The following FHIP2A variants were observed in gnomAD, a reference collection of about 807,000 sequenced individuals.
FHIP2A encodes the protein FHF complex subunit HOOK interacting protein 2A.
A neutral mutation model predicts 93.5 loss-of-function variants in FHIP2A; 46 were observed. That is an observed-to-expected ratio of 0.49 (90% CI 0.39 to 0.63). The LOEUF (loss-of-function observed/expected upper bound fraction) is 0.63, where lower values mean the gene tolerates loss of function less well. FHIP2A is among the 20% of genes least tolerant of loss of function. The probability of loss-of-function intolerance (pLI) is 0.00; values close to 1 mark genes in which losing one functional copy is unlikely to be tolerated. For missense variants in FHIP2A, 769 were observed against 909.7 expected (o/e 0.85, Z 1.99); for synonymous variants, 332 against 326.5 (o/e 1.02, Z -0.18).
At position 114,885,500 on chromosome 10, in the gene FHIP2A, C is replaced by G. The variant is rs891649886; in HGVS notation, c.2193-13990C>G. Among the ~76,000 whole-genome samples, 2 of 151,930 alleles carry G rather than the reference C, an allele frequency of 1.3e-5. 1 individual carries two copies. The highest frequency in any genetic ancestry group is 4.2e-4 in the South Asian group (2 of 4,810). On this transcript the variant is annotated intron_variant, in intron 16 of 16. Coordinates refer to the FHIP2A transcript ENST00000369250. ...TTTGCTCTGCAGTACCCAAGAGGCT[C>G]TGGACACTTAGTCAATATTAATTAA...
At chr10:114,822,632 C>T (rs2083540650) in intron 1 of FHIP2A, among the ~76,000 whole-genome samples, 1 of 152,250 alleles carries the variant, frequency 6.6e-6, no homozygotes, top group Non-Finnish European at 1.5e-5. Context: ...GGCATGGTCT[C>T]GCTGTGGGGC....
chr10:114,832,149 A>C (rs768495066), intron 2 of FHIP2A, among the ~76,000 whole-genome samples: 2 of 152,234 alleles, frequency 1.3e-5, no homozygotes, highest in Non-Finnish European at 2.9e-5. Flanking sequence ...AGAGTAATTT[A>C]ACCTTAGTAT....
chr10:114,825,841 AT>A lies in FHIP2A; in HGVS notation c.45+3720del, dbSNP rs1456459209. On this transcript the variant is annotated intron_variant, in intron 1 of 16. Transcript: ENST00000369248. ...TGTGCCAAGGGCATGTTCCTCTTAAATTCCAACCAGTTCCACCCTTGCGGGC... is the reference window on the plus strand; with the variant it reads ...TGTGCCAAGGGCATGTTCCTCTTAAATCCAACCAGTTCCACCCTTGCGGGC... 2.0e-5 allele frequency among the ~76,000 whole-genome samples: 3 copies of A among 152,382 alleles called. No individual in the cohort carries two copies. In the East Asian group the frequency reaches 5.8e-4, roughly 29 times the overall value.
At chr10:114,828,480 C>G (rs1022113862) in intron 1 of FHIP2A, among the ~76,000 whole-genome samples, 6 of 152,148 alleles carry the variant, frequency 3.9e-5, no homozygotes, top group African/African-American at 1.4e-4. Flanking sequence ...GGTACAGTTC[C>G]TGAAACAACA....
At chr10:114,896,424 A>C (rs971669912) in intron 16 of FHIP2A, among the ~76,000 whole-genome samples, 1 of 152,308 alleles carries the variant, frequency 6.6e-6, no homozygotes, top group East Asian at 1.9e-4. Flanking sequence ...GACTGTGGTC[A>C]TGTGAAAGGA....
chr10:114,847,055 A>T, intron 11 of FHIP2A, 35 bp from the exon 12 acceptor site: 1 of 1,535,728 alleles, frequency 6.5e-7, no homozygotes. Flanking sequence ...TCATAATAAA[A>T]TAGTGCTTTT....
At chr10:114,868,333 C>T (rs908759024), downstream of FHIP2A, among the ~76,000 whole-genome samples, 3 of 152,122 alleles carry the variant, frequency 2.0e-5, no homozygotes, top group African/African-American at 4.8e-5. Flanking sequence ...ACCAACCCTA[C>T]TGTGAACTTG....
downstream of FHIP2A, among the ~76,000 whole-genome samples, chr10:114,865,309 G>A (rs974740604): frequency 6.6e-6 from 1 of 152,080 alleles, no homozygotes; most frequent in Non-Finnish European, 1.5e-5. Flanking sequence ...TTTATTCTAA[G>A]CATTATTTCT....
intron 16 of FHIP2A, 40 bp downstream of exon 16, chr10:114,861,374 A>G: frequency 6.2e-7 from 1 of 1,613,822 alleles, no homozygotes; most frequent in Non-Finnish European, 8.5e-7. Flanking sequence ...CAAAAATTTC[A>G]GTGAACTTAA....
At chr10:114,871,569 T>G (rs746390030) in intron 16 of FHIP2A, among the ~76,000 whole-genome samples, 2 of 152,148 alleles carry the variant, frequency 1.3e-5, no homozygotes, top group Non-Finnish European at 2.9e-5. Flanking sequence ...CTTCCAACAT[T>G]GATGTAACCA....
chr10:114,865,084 T>C (rs2083822062), downstream of FHIP2A, among the ~76,000 whole-genome samples: 1 of 151,662 alleles, frequency 6.6e-6, no homozygotes, highest in African/African-American at 2.4e-5. Flanking sequence ...GCCCCCTGGG[T>C]TCAAGTGATT....
chr10:114,864,039 G>A lies in FHIP2A; in HGVS notation c.*2499G>A, dbSNP rs1273640434. On this transcript the variant is annotated 3_prime_UTR_variant, in exon 17 of 17. Transcript: ENST00000369248. ...TATGTAACTTTCTCGTAATGTATCT[G>A]TTTGTGCAATATGGAAGCTGTGAGT... is the stretch of plus-strand genomic sequence containing the variant. 1 of 993,900 alleles carries A rather than the reference G, an allele frequency of 1.0e-6. No homozygotes were observed. Among genetic ancestry groups the A allele is most frequent in the Non-Finnish European group, 1.2e-6 (1 of 835,446 alleles). The allele number at this position is 993,900 out of a possible 1,614,324, so 61.6% of individuals were successfully genotyped here.
chr10:114,847,255 G>GTTTTTGTTTTTGTTTATTAGTATTATT, intron 12 of FHIP2A, 22 bp downstream of exon 12: 1 of 1,586,660 alleles, frequency 6.3e-7, no homozygotes, highest in Admixed American at 1.9e-5. Flanking sequence ...TATAAAATTT[G>GTTTTTGTTTTTGTTTATTAGTATTATT]ACTTCCATCT....
chr10:114,857,991 C>G (rs2083777004), intron 14 of FHIP2A, among the ~76,000 whole-genome samples: 2 of 152,176 alleles, frequency 1.3e-5, no homozygotes. Context: ...AGTAACTTAG[C>G]TACTTGTCAC....
chr10:114,857,846 T>G (rs986763227), intron 14 of FHIP2A, among the ~76,000 whole-genome samples: 6 of 152,202 alleles, frequency 3.9e-5, no homozygotes, highest in African/African-American at 1.4e-4. Context: ...ACATTTACTA[T>G]TGTTTGTAAC....
intron 1 of FHIP2A, among the ~76,000 whole-genome samples, chr10:114,825,092 A>C (rs1243305891): frequency 6.6e-6 from 1 of 152,216 alleles, no homozygotes; most frequent in African/African-American, 2.4e-5. Context: ...ATCATGGCTC[A>C]CTGCAGCCTC....
At chr10:114,848,879 A>C in intron 13 of FHIP2A, 142 bp downstream of exon 13, 1 of 610,826 alleles carries the variant, frequency 1.6e-6, no homozygotes, top group Non-Finnish European at 2.9e-6. Context: ...GCAGTGTCTC[A>C]CACCTGTAAT....
intron 16 of FHIP2A, among the ~76,000 whole-genome samples, chr10:114,872,162 C>T (rs1347090851): frequency 6.6e-6 from 1 of 152,106 alleles, no homozygotes; most frequent in African/African-American, 2.4e-5. Context: ...CACTTTTTCC[C>T]CCTGGACCAT....
chr10:114,855,072 C>T (rs2083758813), intron 13 of FHIP2A, 125 bp from the exon 14 acceptor site: 3 of 944,100 alleles, frequency 3.2e-6, no homozygotes, highest in Non-Finnish European at 4.7e-6. Context: ...TCTCCCTTGG[C>T]ACCTGAAGCA....
Sources: gnomAD v4.1 joint callset for allele counts (sites outside exome capture counted in the v4.1 genomes callset) on GRCh38, gnomAD v4.1.1 for gene constraint, MANE v1.5 for transcripts, NCBI Gene and HGNC (gene_info 2026-07-23, HGNC 2026-07-21) for gene names.